The following DNAH7 variants were observed in gnomAD, a reference collection of about 807,000 sequenced individuals.
DNAH7 encodes the protein dynein axonemal heavy chain 7.
In DNAH7, 397 loss-of-function variants were observed where a neutral mutation model predicts 444.6. The ratio of observed to expected loss-of-function variants is 0.89; its 90% confidence interval spans 0.82 to 0.97. The LOEUF is 0.97. Ranked by LOEUF, DNAH7 falls within the 50% of genes least tolerant of loss-of-function variation. The pLI, the probability that DNAH7 is intolerant of heterozygous loss-of-function variation, is 0.00. For synonymous variants in DNAH7, 1,636 were observed against 1,624.4 expected (o/e 1.01, Z -0.17); for missense variants, 4,902 against 4,800.8 (o/e 1.02, Z -0.62).
chr2:196,058,895 A>G (rs1291157090), intron 1 of DNAH7, among the ~76,000 whole-genome samples: 1 of 152,208 alleles, frequency 6.6e-6, no homozygotes, highest in Non-Finnish European at 1.5e-5. Context: ...AAGAGGAACA[A>G]ATTGGCAGAC....
At position 195,741,031 on chromosome 2, in the gene DNAH7, A is replaced by G. The variant is rs777464650; in HGVS notation, c.11765-162T>C. 1.1e-3 allele frequency: 353 copies of G among 324,660 alleles called. 1 individual carries two copies. Among genetic ancestry groups the G allele is most frequent in the Non-Finnish European group, 1.4e-3 (255 of 176,344 alleles). The allele number at this position is 324,660 out of a possible 1,614,324, so 20.1% of individuals were successfully genotyped here. A position where few individuals can be genotyped will look rare whatever the true frequency, so the allele number is the denominator to read the frequency against. The stretch of plus-strand genomic sequence containing the variant: ...CAATCTCCTGAGTGTTTTAACATCC[A>G]TATTTCAAGAACATTGAAACTTTGC... On this transcript the variant is annotated intron_variant, in intron 63 of 64. Coordinates refer to ENST00000312428, the MANE Select transcript of DNAH7 (RefSeq NM_018897.3).
chr2:195,938,343 T>TACAC (rs1689190741), intron 19 of DNAH7, among the ~76,000 whole-genome samples: 1 of 105,342 alleles, frequency 9.5e-6, no homozygotes, highest in Non-Finnish European at 1.9e-5. Context: ...CAAATAGACA[T>TACAC]TCACACACAC....
chr2:195,906,453 C>CTTTCTT (rs1687027106), intron 27 of DNAH7, among the ~76,000 whole-genome samples: 1 of 114,720 alleles, frequency 8.7e-6, no homozygotes, highest in Non-Finnish European at 1.8e-5. Context: ...TTCTTTCTTT[C>CTTTCTT]TTTTTTTTTT....
chr2:195,753,895 A>G (rs533470975), intron 63 of DNAH7, among the ~76,000 whole-genome samples: 1 of 152,304 alleles, frequency 6.6e-6, no homozygotes, highest in Admixed American at 6.5e-5. Flanking sequence ...GATTCTATGA[A>G]GGTATATGCT....
chr2:195,960,492 G>C lies in DNAH7; in HGVS notation c.2659C>G (p.Arg887Gly), dbSNP rs768660117. The C allele has an allele frequency of 1.2e-6, 2 of 1,614,034 alleles. No homozygotes were observed. The highest frequency in any genetic ancestry group is 1.3e-5 in the African/African-American group (1 of 74,976). Residue 887 changes from arginine (R) to glycine (G), a missense_variant, in exon 18 of 65, where the codon CGA becomes GGA. Arg to Gly is a moderately radical substitution (Grantham distance 125). Transcript: ENST00000312428. Reference protein sequence around the residue: ...LDMNLEPYIDRFEGISEAASK... With the variant: ...LDMNLEPYIDGFEGISEAASK... ...GCTGCTTCACTAATACCTTCAAATC[G>C]GTCTATATATGGTTCCAGATTCATG...
chr2:196,000,283 CTA>C (rs1409204289), intron 12 of DNAH7, among the ~76,000 whole-genome samples: 2 of 152,088 alleles, frequency 1.3e-5, no homozygotes, highest in East Asian at 3.9e-4. Flanking sequence ...TAGATTAGAT[CTA>C]TGAGTTGAAA....
intron 49 of DNAH7, among the ~76,000 whole-genome samples, chr2:195,822,686 T>C (rs973947582): frequency 8.5e-5 from 13 of 152,140 alleles, no homozygotes; most frequent in Admixed American, 3.9e-4. Context: ...GTCAGTTTCC[T>C]CCCCACAGCA....
At chr2:195,943,001 C>T (rs890393294) in intron 19 of DNAH7, among the ~76,000 whole-genome samples, 9 of 152,034 alleles carry the variant, frequency 5.9e-5, no homozygotes, top group African/African-American at 2.2e-4. Flanking sequence ...GTGGGTTTTT[C>T]CTGTGCTGTT....
chr2:195,922,013 G>A, intron 24 of DNAH7, 75 bp downstream of exon 24: 3 of 837,016 alleles, frequency 3.6e-6, no homozygotes, highest in Non-Finnish European at 5.9e-6. Flanking sequence ...AGACAATTTG[G>A]TATTTTTAAA....
At chr2:195,953,723 C>T (rs1475025729) in intron 19 of DNAH7, among the ~76,000 whole-genome samples, 2 of 152,186 alleles carry the variant, frequency 1.3e-5, no homozygotes, top group Non-Finnish European at 2.9e-5. Context: ...AACTTCCCAG[C>T]GGCTTTGTTT....
At chr2:195,975,270 G>A (rs887388007) in intron 15 of DNAH7, among the ~76,000 whole-genome samples, 16 of 151,142 alleles carry the variant, frequency 1.1e-4, no homozygotes, top group African/African-American at 3.9e-4. Flanking sequence ...CAGCTGCTAG[G>A]CACTGAGAAT....
chr2:195,884,227 C>T (rs886473737), intron 35 of DNAH7, among the ~76,000 whole-genome samples: 3 of 152,168 alleles, frequency 2.0e-5, no homozygotes, highest in East Asian at 3.8e-4. Flanking sequence ...CTTCTTAGTG[C>T]CTAGTATACT....
At chr2:195,973,911 C>G (rs763488678) in intron 15 of DNAH7, among the ~76,000 whole-genome samples, 1 of 152,006 alleles carries the variant, frequency 6.6e-6, no homozygotes, top group African/African-American at 2.4e-5. Context: ...CCCGTCTCTA[C>G]TAAAAATATA....
chr2:195,806,843 A>C lies in DNAH7; in HGVS notation c.10084-11T>G. On this transcript the variant is annotated splice_polypyrimidine_tract_variant and intron_variant, in intron 53 of 64. Transcript: ENST00000312428. Reference sequence around the variant, plus strand: ...CTCATGGTGTGGTTCCTAAAATTACAGTGTAAATAATTCAGTTATTTTGGA... The same window carrying C: ...CTCATGGTGTGGTTCCTAAAATTACCGTGTAAATAATTCAGTTATTTTGGA... 1 of 1,601,732 alleles carries C rather than the reference A, an allele frequency of 6.2e-7. No homozygotes were observed. The highest frequency in any genetic ancestry group is 8.5e-7 in the Non-Finnish European group (1 of 1,170,258).
chr2:195,826,316 G>T (rs1456956688), intron 48 of DNAH7, among the ~76,000 whole-genome samples: 1 of 152,138 alleles, frequency 6.6e-6, no homozygotes, highest in African/African-American at 2.4e-5. Context: ...AAATATCACT[G>T]TATTTACAAA....
intron 43 of DNAH7, 107 bp downstream of exon 43, chr2:195,858,367 A>C: frequency 2.1e-6 from 2 of 946,258 alleles, no homozygotes; most frequent in Non-Finnish European, 2.9e-6. Flanking sequence ...AGCTTCATTA[A>C]AATTTCAGGC....
At chr2:195,863,666 T>G (rs923561748) in intron 41 of DNAH7, among the ~76,000 whole-genome samples, 23 of 152,330 alleles carry the variant, frequency 1.5e-4, no homozygotes, top group African/African-American at 4.8e-4. Context: ...CAGCCGTAGC[T>G]GAGTTCTACG....
At chr2:196,068,389 G>A in intron 1 of DNAH7, 1 of 415,116 alleles carries the variant, frequency 2.4e-6, no homozygotes, top group Non-Finnish European at 4.3e-6. Context: ...TCGCAGAGCC[G>A]CCTCTCACCC....
intron 27 of DNAH7, chr2:195,903,905 G>A (rs1379340870): frequency 1.3e-5 from 2 of 152,136 alleles, no homozygotes; most frequent in South Asian, 2.1e-4. Flanking sequence ...ATGGACTGGT[G>A]CCTGACTCAT....
Sources: allele counts gnomAD v4.1 joint callset (sites outside exome capture counted in the v4.1 genomes callset), GRCh38; gene constraint gnomAD v4.1.1; transcripts MANE v1.5; gene names NCBI Gene and HGNC (gene_info 2026-07-23, HGNC 2026-07-21).